The following FOXP2 variants were observed in gnomAD, a reference collection of about 807,000 sequenced individuals.
FOXP2 encodes the protein forkhead box protein P2.
A neutral mutation model predicts 115.8 loss-of-function variants in FOXP2; 12 were observed. The observed-to-expected ratio is 0.10, with a 90% CI of 0.07 to 0.17. The LOEUF is 0.17. Among genes scored for constraint, FOXP2 ranks in the 10% least tolerant of loss-of-function variants. The pLI, the probability that FOXP2 is intolerant of heterozygous loss-of-function variation, is 1.00. For missense variants in FOXP2, 629 were observed against 843.5 expected (o/e 0.75, Z 3.15); for synonymous variants, 328 against 297.7 (o/e 1.10, Z -1.05).
chr7:114,188,891 ATT>A (rs1793684649), intron 1 of FOXP2, among the ~76,000 whole-genome samples: 1 of 152,188 alleles, frequency 6.6e-6, no homozygotes, highest in Admixed American at 6.5e-5. Context: ...ATATAAACTC[ATT>A]TGTTTATTAA....
chr7:114,671,455 A>G (rs1807480161), intron 16 of FOXP2, among the ~76,000 whole-genome samples: 1 of 152,176 alleles, frequency 6.6e-6, no homozygotes, highest in Admixed American at 6.6e-5. Flanking sequence ...GAATTCCCAC[A>G]ATTTAGGCAA....
At chr7:114,307,688 A>G (rs767206023) in intron 2 of FOXP2, among the ~76,000 whole-genome samples, 9 of 152,192 alleles carry the variant, frequency 5.9e-5, no homozygotes, top group South Asian at 2.1e-4. Flanking sequence ...CTCAAAGCCA[A>G]TTGGGCATCA....
chr7:114,559,888 T>TCAAA (rs1800678058), intron 3 of FOXP2, among the ~76,000 whole-genome samples: 1 of 147,718 alleles, frequency 6.8e-6, no homozygotes, highest in Non-Finnish European at 1.5e-5. Context: ...GATTCCATCT[T>TCAAA]AAAAAAAAAA....
intron 1 of FOXP2, among the ~76,000 whole-genome samples, chr7:114,243,691 C>T (rs181162264): frequency 1.3e-5 from 2 of 152,210 alleles, no homozygotes; most frequent in African/African-American, 4.8e-5. Flanking sequence ...TGCTAACGAC[C>T]TACAGAAAAT....
chr7:114,578,354 C>A (rs1348305153), intron 3 of FOXP2, among the ~76,000 whole-genome samples: 1 of 151,912 alleles, frequency 6.6e-6, no homozygotes, highest in Admixed American at 6.6e-5. Context: ...TGCTTAACAT[C>A]TATTTTCATC....
intron 2 of FOXP2, among the ~76,000 whole-genome samples, chr7:114,497,945 A>T (rs1371741087): frequency 6.6e-6 from 1 of 152,134 alleles, no homozygotes; most frequent in Non-Finnish European, 1.5e-5. Flanking sequence ...AGCACTGTAC[A>T]ATACAAGCCT....
At chr7:114,285,315 A>G (rs760986292) in intron 1 of FOXP2, 1 of 152,184 alleles carries the variant, frequency 6.6e-6, no homozygotes, top group African/African-American at 2.4e-5. Context: ...TTTTCTCACT[A>G]CCTACTTCAG....
At chr7:114,394,366 G>A (rs915992659) in intron 2 of FOXP2, among the ~76,000 whole-genome samples, 9 of 151,072 alleles carry the variant, frequency 6.0e-5, no homozygotes, top group East Asian at 1.9e-4. Context: ...ATTATAAACC[G>A]TTGAATAAAG....
intron 2 of FOXP2, among the ~76,000 whole-genome samples, chr7:114,315,705 TGA>T (rs1797261333): frequency 6.6e-6 from 1 of 151,954 alleles, no homozygotes; most frequent in South Asian, 2.1e-4. Flanking sequence ...CCACAAACAC[TGA>T]GTTAGTGAAC....
chr7:114,356,345 A>G (rs1206496710), intron 2 of FOXP2, among the ~76,000 whole-genome samples: 7 of 152,190 alleles, frequency 4.6e-5, no homozygotes, highest in African/African-American at 1.7e-4. Flanking sequence ...ATGACTAATC[A>G]TCTTGTTATA....
intron 2 of FOXP2, among the ~76,000 whole-genome samples, chr7:114,390,070 G>C (rs1647214501): frequency 6.8e-6 from 1 of 146,592 alleles, no homozygotes; most frequent in South Asian, 2.2e-4. Context: ...AAAAAGATTA[G>C]TGACAGTGAA....
At chr7:114,633,248 CA>C (rs1805017744) in intron 6 of FOXP2, among the ~76,000 whole-genome samples, 1 of 151,968 alleles carries the variant, frequency 6.6e-6, no homozygotes, top group Non-Finnish European at 1.5e-5. Context: ...TCTTTCAAAA[CA>C]AGCAAAAAAC....
At chr7:114,170,587 A>G (rs1281943998) in intron 1 of FOXP2, among the ~76,000 whole-genome samples, 1 of 152,246 alleles carries the variant, frequency 6.6e-6, no homozygotes, top group Non-Finnish European at 1.5e-5. Flanking sequence ...TTTAGTGAAC[A>G]TATGAGTGAT....
At chr7:114,523,968 A>G (rs1466252889) in intron 2 of FOXP2, among the ~76,000 whole-genome samples, 1 of 152,202 alleles carries the variant, frequency 6.6e-6, no homozygotes, top group African/African-American at 2.4e-5. Flanking sequence ...ATATTCTGAA[A>G]TGCTTACTTT....
chr7:114,157,275 A>T lies in FOXP2; in HGVS notation c.-246-5669A>T, dbSNP rs915589351. Among the ~76,000 whole-genome samples, 11 of 152,146 alleles carry T rather than the reference A, an allele frequency of 7.2e-5. 1 individual carries two copies. The highest frequency in any genetic ancestry group is 7.2e-4 in the Admixed American group (11 of 15,252). ...TGTGGACAAATGTATTACATAGTAG[A>T]TTGCATGGACAGTTTTTAGAGGGGA... On this transcript the variant is annotated intron_variant, in intron 1 of 19. Transcript: ENST00000635638.
chr7:114,093,150 C>G (rs561165848), intron 1 of FOXP2, among the ~76,000 whole-genome samples: 1 of 152,052 alleles, frequency 6.6e-6, no homozygotes, highest in Non-Finnish European at 1.5e-5. Flanking sequence ...TGTTTTTTCT[C>G]TCATTTGGCC....
At chr7:114,660,096 A>G (rs780423545) in intron 13 of FOXP2, among the ~76,000 whole-genome samples, 3 of 152,210 alleles carry the variant, frequency 2.0e-5, no homozygotes, top group African/African-American at 4.8e-5. Flanking sequence ...CTCATCATAC[A>G]GACTGAAGCT....
At chr7:114,676,745 G>A (rs977656353) in intron 16 of FOXP2, among the ~76,000 whole-genome samples, 1 of 152,108 alleles carries the variant, frequency 6.6e-6, no homozygotes. Context: ...CAAATAACTA[G>A]AATTATAATA....
chr7:114,419,748 C>CACACACA (rs1293473534), intron 1 of FOXP2: 1 of 145,300 alleles, frequency 6.9e-6, no homozygotes, highest in African/African-American at 2.6e-5. Context: ...ACACACACAC[C>CACACACA]CCAGAAAGGA....
Sources: gnomAD v4.1 joint callset for allele counts (sites outside exome capture counted in the v4.1 genomes callset) on GRCh38, gnomAD v4.1.1 for gene constraint, MANE v1.5 for transcripts, NCBI Gene and HGNC (gene_info 2026-07-23, HGNC 2026-07-21) for gene names.